ZNF106: variants seen among roughly 807,000 people sequenced by gnomAD.
The protein encoded by ZNF106 is SH3-domain binding protein 3.
A neutral mutation model predicts 195.1 loss-of-function variants in ZNF106; 67 were observed. That is an observed-to-expected ratio of 0.34 (90% CI 0.28 to 0.42). The LOEUF (loss-of-function observed/expected upper bound fraction) is 0.42, where lower values mean the gene tolerates loss of function less well. ZNF106 is among the 10% of genes least tolerant of loss of function. The pLI is 1.00. For missense variants in ZNF106, 2,118 were observed against 2,304.5 expected, an observed-to-expected ratio of 0.92 and a Z score of 1.66; for synonymous variants, 784 against 818.6, an observed-to-expected ratio of 0.96 and a Z score of 0.72.
At chr15:42,424,762 G>A in intron 16 of ZNF106, 72 bp downstream of exon 16, 2 of 1,487,284 alleles carry the variant, frequency 1.3e-6, no homozygotes, top group Non-Finnish European at 1.8e-6. Context: ...CTACAGACGT[G>A]AGCCACCTCG....
chr15:42,444,366 G>A (rs951664141), intron 8 of ZNF106, 104 bp from the exon 9 acceptor site: 11 of 858,828 alleles, frequency 1.3e-5, no homozygotes, highest in Non-Finnish European at 1.8e-5. Context: ...AGAGTGTCTT[G>A]ACTGCTCTGT....
At position 42,464,091 on chromosome 15, in the gene ZNF106, C is replaced by G. The variant is rs2056456714; in HGVS notation, c.116+1962G>C. ...GCATGGTGGCTCACGCCTGTAATCC[C>G]AGCACTTTGGGAGGCCGAGGCGGGC... is the stretch of plus-strand genomic sequence containing the variant. On this transcript the variant is annotated intron_variant, in intron 3 of 21. Transcript: ENST00000564754. Among the ~76,000 whole-genome samples the G allele has an allele frequency of 2.6e-5, 4 of 152,168 alleles. 1 individual carries two copies. The South Asian group carries it at 8.3e-4, about 32-fold the overall frequency.
intron 1 of ZNF106, among the ~76,000 whole-genome samples, chr15:42,482,093 C>G (rs1417876275): frequency 6.6e-6 from 1 of 152,146 alleles, no homozygotes; most frequent in African/African-American, 2.4e-5. Context: ...TTCCATTAAG[C>G]CCCATCCAGT....
At chr15:42,427,170 C>T (rs1595438350) in intron 15 of ZNF106, among the ~76,000 whole-genome samples, 2 of 152,286 alleles carry the variant, frequency 1.3e-5, no homozygotes, top group East Asian at 3.9e-4. Flanking sequence ...TTCTCTTCAT[C>T]CTGTTTAACC....
rs1203159051 is a variant in ZNF106, at chr15:42,429,572, AT to A, written c.4882-1439del. Among the ~76,000 whole-genome samples the A allele has an allele frequency of 1.4e-4, 21 of 152,026 alleles. 1 individual carries two copies. Among genetic ancestry groups the A allele is most frequent in the African/African-American group, 5.1e-4 (21 of 41,280 alleles). On this transcript the variant is annotated intron_variant, in intron 14 of 21. Transcript: ENST00000564754. ...GATGAGAAAAGCTGTGGCTTGTCAAATCCATTGGTCTCGTCTCCCAACCTTC... is the reference window on the plus strand; with the variant it reads ...GATGAGAAAAGCTGTGGCTTGTCAAACCATTGGTCTCGTCTCCCAACCTTC...
intron 3 of ZNF106, among the ~76,000 whole-genome samples, chr15:42,463,224 G>T (rs1457355296): frequency 1.3e-5 from 2 of 152,122 alleles, no homozygotes; most frequent in Non-Finnish European, 2.9e-5. Flanking sequence ...TTTGTTTAAT[G>T]ATATAGTGCA....
intron 2 of ZNF106, among the ~76,000 whole-genome samples, chr15:42,470,038 G>A (rs1350061832): frequency 6.6e-6 from 1 of 151,998 alleles, no homozygotes. Context: ...GGGACTCATG[G>A]TTAAACACAT....
chr15:42,463,505 T>C (rs912675951), intron 3 of ZNF106, among the ~76,000 whole-genome samples: 1 of 152,078 alleles, frequency 6.6e-6, no homozygotes, highest in Non-Finnish European at 1.5e-5. Context: ...AAGACCACCC[T>C]GAGCAACAGA....
At chr15:42,475,115 A>G (rs1340525089) in intron 1 of ZNF106, among the ~76,000 whole-genome samples, 2 of 152,182 alleles carry the variant, frequency 1.3e-5, no homozygotes, top group Non-Finnish European at 2.9e-5. Context: ...TTGCCATGCA[A>G]CCCACTTCAT....
intron 3 of ZNF106, among the ~76,000 whole-genome samples, chr15:42,461,421 T>C (rs192958534): frequency 4.3e-4 from 66 of 152,350 alleles, no homozygotes; most frequent in African/African-American, 1.5e-3. Context: ...ACCACACAAT[T>C]TCCTCTCATG....
chr15:42,441,898 A>G, intron 10 of ZNF106, 175 bp downstream of exon 10: 1 of 461,916 alleles, frequency 2.2e-6, no homozygotes, highest in South Asian at 5.7e-5. Flanking sequence ...TTTAAATTAC[A>G]TTCTCTAAAA....
intron 1 of ZNF106, among the ~76,000 whole-genome samples, chr15:42,476,423 A>G (rs1347466048): frequency 6.6e-6 from 1 of 152,164 alleles, no homozygotes; most frequent in Non-Finnish European, 1.5e-5. Context: ...GGTGACTGAG[A>G]AGTGACAAAC....
At chr15:42,429,425 C>T (rs536454151) in intron 14 of ZNF106, among the ~76,000 whole-genome samples, 6 of 151,044 alleles carry the variant, frequency 4.0e-5, no homozygotes, top group African/African-American at 1.2e-4. Flanking sequence ...GGCGACACAG[C>T]GAGACCCCGT....
chr15:42,449,438 G>A (rs8027283), intron 5 of ZNF106, among the ~76,000 whole-genome samples: 2 of 152,030 alleles, frequency 1.3e-5, no homozygotes, highest in African/African-American at 4.8e-5. Flanking sequence ...GAAAAAGACA[G>A]AGATCTATAG....
chr15:42,421,996 A>G lies in ZNF106; in HGVS notation c.5374-8T>C. On this transcript the variant is annotated splice_polypyrimidine_tract_variant and splice_region_variant and intron_variant, in intron 18 of 21. Transcript: ENST00000564754. ...TTGTAATCGATCATGAGACTTAGGC[A>G]GAAAAAAAAAAAGAGAATTGAAGTT... 1 of 1,569,472 alleles carries G rather than the reference A, an allele frequency of 6.4e-7. No individual in the cohort carries two copies. The highest frequency in any genetic ancestry group is 8.6e-7 in the Non-Finnish European group (1 of 1,157,512).
chr15:42,472,122 T>C (rs2056684070), intron 2 of ZNF106, 114 bp downstream of exon 2: 2 of 1,030,034 alleles, frequency 1.9e-6, no homozygotes, highest in South Asian at 4.4e-5. Flanking sequence ...TAAGACATTG[T>C]CAAAGCTTTT....
chr15:42,423,110 A>G (rs2054729016), intron 17 of ZNF106, among the ~76,000 whole-genome samples: 1 of 151,910 alleles, frequency 6.6e-6, no homozygotes, highest in African/African-American at 2.4e-5. Context: ...GCTCACACCT[A>G]TAATTCCAAA....
Position 42,418,357 on chromosome 15 carries a change from CT to C in ZNF106, c.5518-407del, listed in dbSNP as rs540271844. 3.1e-3 allele frequency among the ~76,000 whole-genome samples: 377 copies of C among 122,852 alleles called. 1 individual carries two copies. Among genetic ancestry groups the C allele is most frequent in the East Asian group, 7.4e-3 (32 of 4,342 alleles). The allele number at this position is 122,852 out of a possible 152,430, so 80.6% of individuals were successfully genotyped here. A position where few individuals can be genotyped will look rare whatever the true frequency, so the allele number is the denominator to read the frequency against. On this transcript the variant is annotated intron_variant, in intron 20 of 21. Coordinates refer to ENST00000564754, the MANE Select transcript of ZNF106 (RefSeq NM_001366845.3). Reference sequence around the variant, plus strand: ...TACCTTTCCTATAATATCGAAAGGGCTTTTTTTTTTTTTTTTTTGAGATGGA... The same window carrying C: ...TACCTTTCCTATAATATCGAAAGGGCTTTTTTTTTTTTTTTTTGAGATGGA...
Position 42,448,662 on chromosome 15 carries a change from C to T in ZNF106, c.2545G>A (p.Ala849Thr). The T allele has an allele frequency of 6.2e-7, 1 of 1,611,400 alleles. No individual in the cohort carries two copies. Among genetic ancestry groups the T allele is most frequent in the Non-Finnish European group, 8.5e-7 (1 of 1,179,740 alleles). The change falls in exon 6 of 22, where the codon GCC (alanine) becomes ACC (threonine). Residue 849 changes from alanine (A) to threonine (T), a missense_variant. By Grantham distance (58) the Ala-to-Thr change is moderately conservative. Transcript: ENST00000564754. ...MVPLVQNEQE[A>T]LDLDGEPDLS... is the part of the protein sequence containing the mutation. ...TCAGGTTCCCCATCCAAATCTAAGGCTTCTTGTTCATTTTGAACAAGGGGT... is the reference window on the plus strand; with the variant it reads ...TCAGGTTCCCCATCCAAATCTAAGGTTTCTTGTTCATTTTGAACAAGGGGT...
Sources: gnomAD v4.1 joint callset for allele counts (sites outside exome capture counted in the v4.1 genomes callset) on GRCh38, gnomAD v4.1.1 for gene constraint, MANE v1.5 for transcripts, NCBI Gene and HGNC (gene_info 2026-07-23, HGNC 2026-07-21) for gene names.